MAPK10: variants seen among roughly 807,000 people sequenced by gnomAD.
MAPK10 encodes the protein JNK3 alpha protein kinase.
MAPK10 carries 25 observed loss-of-function variants against 59.3 expected under a neutral mutation model. That is an observed-to-expected ratio of 0.42 (90% CI 0.31 to 0.59). The LOEUF is 0.59. Ranked by LOEUF, MAPK10 falls within the 20% of genes least tolerant of loss-of-function variation. The probability of loss-of-function intolerance (pLI) is 0.15; values close to 1 mark genes in which losing one functional copy is unlikely to be tolerated. For missense variants in MAPK10, 351 were observed against 568.9 expected, an observed-to-expected ratio of 0.62 and a Z score of 3.90; for synonymous variants, 190 against 200.5, an observed-to-expected ratio of 0.95 and a Z score of 0.44.
chr4:86,475,732 T>C (rs529536565), intron 1 of MAPK10, among the ~76,000 whole-genome samples: 1 of 152,168 alleles, frequency 6.6e-6, no homozygotes, highest in East Asian at 1.9e-4. Context: ...TCTTCACCCT[T>C]AGCGGCAAGT....
At chr4:86,438,835 A>G (rs1692100729) in intron 1 of MAPK10, among the ~76,000 whole-genome samples, 1 of 152,162 alleles carries the variant, frequency 6.6e-6, no homozygotes, top group South Asian at 2.1e-4. Context: ...GGGTGGAAGC[A>G]TACCACATTA....
chr4:86,108,963 C>G (rs2057001104), intron 4 of MAPK10, among the ~76,000 whole-genome samples: 1 of 152,124 alleles, frequency 6.6e-6, no homozygotes. Context: ...GATGTGGTTT[C>G]AAGTCCCGTT....
At chr4:86,140,290 C>T (rs1038855129) in intron 4 of MAPK10, among the ~76,000 whole-genome samples, 1 of 133,472 alleles carries the variant, frequency 7.5e-6, no homozygotes, top group East Asian at 2.1e-4. Context: ...ACCCAAATGT[C>T]CAACAATGAT....
intron 2 of MAPK10, among the ~76,000 whole-genome samples, chr4:86,328,178 A>G (rs2096071046): frequency 6.6e-6 from 1 of 152,162 alleles, no homozygotes; most frequent in African/African-American, 2.4e-5. Flanking sequence ...CAACCCCATC[A>G]AAAAGTGGCA....
chr4:86,527,312 CAAAAAAAAAAAAAA>C (rs57390422), intron 1 of MAPK10, among the ~76,000 whole-genome samples: 6 of 16,196 alleles, frequency 3.7e-4, no homozygotes, highest in Admixed American at 8.8e-4. Context: ...ACACTGTTGC[CAAAAAAAAAAAAAA>C]AAAAAAAAAA....
chr4:86,026,226 C>T (rs1750139622), intron 13 of MAPK10, among the ~76,000 whole-genome samples: 1 of 152,138 alleles, frequency 6.6e-6, no homozygotes, highest in Admixed American at 6.5e-5. Flanking sequence ...TGGAAGAGGG[C>T]TGGTGAACAA....
chr4:86,273,136 T>C (rs575714608), intron 2 of MAPK10, among the ~76,000 whole-genome samples: 36 of 152,260 alleles, frequency 2.4e-4, no homozygotes, highest in Admixed American at 2.0e-3. Flanking sequence ...CTGCAATTTC[T>C]TTTTAATATA....
chr4:86,491,958 TAAC>T (rs1009904451), intron 1 of MAPK10, among the ~76,000 whole-genome samples: 3 of 152,176 alleles, frequency 2.0e-5, no homozygotes, highest in Non-Finnish European at 2.9e-5. Context: ...CAAGTATTCT[TAAC>T]AACAAAAAGA....
chr4:86,419,967 A>G (rs865869794), intron 1 of MAPK10, among the ~76,000 whole-genome samples: 2 of 152,206 alleles, frequency 1.3e-5, no homozygotes, highest in African/African-American at 4.8e-5. Flanking sequence ...CAAAATAGAT[A>G]CATTCACTCA....
At chr4:86,267,280 C>A (rs1476756242) in intron 2 of MAPK10, among the ~76,000 whole-genome samples, 1 of 152,106 alleles carries the variant, frequency 6.6e-6, no homozygotes, top group African/African-American at 2.4e-5. Flanking sequence ...AATAAAGTTT[C>A]TAACAAAGCG....
chr4:86,501,815 T>C (rs952602992), intron 1 of MAPK10, among the ~76,000 whole-genome samples: 7 of 152,008 alleles, frequency 4.6e-5, no homozygotes, highest in Non-Finnish European at 8.8e-5. Context: ...ACTCAAAAAA[T>C]GCATAGTTGA....
chr4:86,377,287 T>A (rs1183725828), intron 1 of MAPK10, among the ~76,000 whole-genome samples: 1 of 152,202 alleles, frequency 6.6e-6, no homozygotes, highest in Non-Finnish European at 1.5e-5. Flanking sequence ...TATAGCAGCT[T>A]CCAGTACAGC....
At chr4:86,222,960 G>A (rs2089950202) in intron 2 of MAPK10, among the ~76,000 whole-genome samples, 1 of 152,144 alleles carries the variant, frequency 6.6e-6, no homozygotes, top group Non-Finnish European at 1.5e-5. Context: ...CCCCCACACA[G>A]TACAAGGCCT....
chr4:86,194,194 C>G, intron 3 of MAPK10, 142 bp downstream of exon 3: 1 of 666,762 alleles, frequency 1.5e-6, no homozygotes, highest in East Asian at 2.6e-5. Context: ...TTCTATTCAG[C>G]CGTCTTGCCA....
At chr4:86,537,468 C>T (rs1254829177) in intron 1 of MAPK10, among the ~76,000 whole-genome samples, 3 of 152,150 alleles carry the variant, frequency 2.0e-5, no homozygotes. Flanking sequence ...TTTCTAAATA[C>T]CATTCTTCCC....
intron 1 of MAPK10, among the ~76,000 whole-genome samples, chr4:86,502,731 C>T (rs754580776): frequency 5.3e-5 from 8 of 152,010 alleles, no homozygotes; most frequent in Non-Finnish European, 8.8e-5. Context: ...ACATTCTTTC[C>T]TTTAGAGTTC....
chr4:86,562,428 C>A (rs1658872698), intron 1 of MAPK10, among the ~76,000 whole-genome samples: 1 of 152,148 alleles, frequency 6.6e-6, no homozygotes, highest in African/African-American at 2.4e-5. Context: ...GTGGCTCACA[C>A]CTATAATCCC....
At chr4:86,522,566 TA>T (rs57068251) in intron 1 of MAPK10, among the ~76,000 whole-genome samples, 157 of 149,046 alleles carry the variant, frequency 1.1e-3, no homozygotes, top group African/African-American at 2.7e-3. Context: ...CATTTAAACT[TA>T]AAAAAAAAAA....
intron 2 of MAPK10, among the ~76,000 whole-genome samples, chr4:86,236,664 C>G (rs762525401): frequency 2.6e-5 from 4 of 152,176 alleles, no homozygotes; most frequent in African/African-American, 9.6e-5. Flanking sequence ...GCTATTGTGA[C>G]GGTTCAAGGA....
Sources: allele counts gnomAD v4.1 joint callset (sites outside exome capture counted in the v4.1 genomes callset), GRCh38; gene constraint gnomAD v4.1.1; transcripts MANE v1.5; gene names NCBI Gene and HGNC (gene_info 2026-07-23, HGNC 2026-07-21).